CGGBP1: variants seen among roughly 807,000 people sequenced by gnomAD.
The protein encoded by CGGBP1 is CGG triplet repeat-binding protein 1.
A neutral mutation model predicts 11.4 loss-of-function variants in CGGBP1; 4 were observed. The ratio of observed to expected loss-of-function variants is 0.35; its 90% CI spans 0.17 to 0.80. CGGBP1 has a LOEUF of 0.80. Among genes scored for constraint, CGGBP1 ranks in the 30% least tolerant of loss-of-function variants. The pLI, the probability that CGGBP1 is intolerant of heterozygous loss-of-function variation, is 0.52. For synonymous variants in CGGBP1, 76 were observed against 74.1 expected (o/e 1.03, Z -0.13); for missense variants, 135 against 202.1 (o/e 0.67, Z 2.01).
intron 2 of CGGBP1, among the ~76,000 whole-genome samples, chr3:88,069,558 A>G (rs1204729381): frequency 7.9e-5 from 12 of 152,224 alleles, no homozygotes; most frequent in Non-Finnish European, 1.2e-4. Flanking sequence ...ACTACACAAA[A>G]CAGGACAATG....
At chr3:88,123,291 G>C (rs1369589114) in intron 2 of CGGBP1, among the ~76,000 whole-genome samples, 17 of 152,182 alleles carry the variant, frequency 1.1e-4, no homozygotes, top group Admixed American at 6.5e-5. Context: ...TTCCATAAGA[G>C]TGGTCTCCAA....
intron 2 of CGGBP1, among the ~76,000 whole-genome samples, chr3:88,110,411 C>G (rs1705017088): frequency 6.6e-6 from 1 of 152,094 alleles, no homozygotes; most frequent in Non-Finnish European, 1.5e-5. Context: ...ATGCATATGA[C>G]TCTGTTCCAG....
intron 2 of CGGBP1, among the ~76,000 whole-genome samples, chr3:88,089,879 G>A (rs1299299471): frequency 6.6e-6 from 1 of 152,162 alleles, no homozygotes; most frequent in Non-Finnish European, 1.5e-5. Context: ...GCATAAAGAT[G>A]TTTCATATGA....
intron 1 of CGGBP1, chr3:88,144,134 A>C (rs1707250217): frequency 6.6e-6 from 1 of 152,362 alleles, no homozygotes; most frequent in African/African-American, 2.4e-5. Flanking sequence ...GAAAATAGCA[A>C]ATCTGAATTT....
intron 2 of CGGBP1, chr3:88,128,837 A>G (rs1246008047): frequency 6.5e-7 from 1 of 1,535,302 alleles, no homozygotes; most frequent in South Asian, 1.2e-5. Flanking sequence ...CTGAAAATCC[A>G]CTGTTCTTTG....
chr3:88,078,260 G>T (rs535466754), intron 2 of CGGBP1, among the ~76,000 whole-genome samples: 5 of 152,218 alleles, frequency 3.3e-5, no homozygotes, highest in Admixed American at 6.5e-5. Flanking sequence ...ATGAATGAAG[G>T]GGGTAGACCC....
chr3:88,147,309 CCT>C (rs1160775788), intron 1 of CGGBP1, among the ~76,000 whole-genome samples: 1 of 152,082 alleles, frequency 6.6e-6, no homozygotes, highest in Non-Finnish European at 1.5e-5. Context: ...TGAGGTAAGG[CCT>C]CTCTGATAAG....
intron 3 of CGGBP1, 84 bp downstream of exon 3, chr3:88,057,107 T>G (rs1451441637): frequency 6.6e-6 from 1 of 152,222 alleles, no homozygotes; most frequent in Non-Finnish European, 1.5e-5. Flanking sequence ...ATAAATATGT[T>G]AGAGAAATAA....
chr3:88,127,182 C>T (rs937968439), intron 2 of CGGBP1, among the ~76,000 whole-genome samples: 3 of 152,120 alleles, frequency 2.0e-5, no homozygotes, highest in African/African-American at 7.2e-5. Flanking sequence ...AACAAGACCT[C>T]CCAACCCTGG....
intron 2 of CGGBP1, among the ~76,000 whole-genome samples, chr3:88,101,750 C>G (rs1704438923): frequency 6.6e-6 from 1 of 152,104 alleles, no homozygotes. Flanking sequence ...AAACTGCTAA[C>G]CAAAGTGACT....
intron 2 of CGGBP1, among the ~76,000 whole-genome samples, chr3:88,111,482 A>G (rs577327547): frequency 3.9e-5 from 6 of 151,934 alleles, no homozygotes; most frequent in Non-Finnish European, 8.8e-5. Context: ...TTGCTTAACA[A>G]TATATCTTGG....
chr3:88,135,108 C>G, intron 2 of CGGBP1: 1 of 1,478,338 alleles, frequency 6.8e-7, no homozygotes, highest in Non-Finnish European at 8.9e-7. Context: ...TCTAATCCTT[C>G]AAAACAAGTT....
intron 2 of CGGBP1, among the ~76,000 whole-genome samples, chr3:88,094,380 A>G (rs952267834): frequency 6.6e-6 from 1 of 152,100 alleles, no homozygotes; most frequent in African/African-American, 2.4e-5. Flanking sequence ...GGTTGGGACT[A>G]TAGTTGTTTT....
At chr3:88,149,443 G>C (rs1453119648) in intron 1 of CGGBP1, among the ~76,000 whole-genome samples, 1 of 152,264 alleles carries the variant, frequency 6.6e-6, no homozygotes, top group African/African-American at 2.4e-5. Flanking sequence ...GTGTTTGAGA[G>C]GAAAGTCCGC....
At chr3:88,140,471 AACAG>A in intron 2 of CGGBP1, 3 of 1,613,770 alleles carry the variant, frequency 1.9e-6, no homozygotes, top group Non-Finnish European at 2.5e-6. Flanking sequence ...TGGAAAAGAA[AACAG>A]ACAGTTTAGT....
chr3:88,075,492 T>A (rs144717002), intron 2 of CGGBP1, among the ~76,000 whole-genome samples: 1 of 152,340 alleles, frequency 6.6e-6, no homozygotes, highest in African/African-American at 2.4e-5. Context: ...TGGAACTACT[T>A]TTGTTGTTTC....
chr3:88,128,442 C>T (rs1193449634), intron 2 of CGGBP1, among the ~76,000 whole-genome samples: 2 of 151,884 alleles, frequency 1.3e-5, no homozygotes, highest in Non-Finnish European at 1.5e-5. Flanking sequence ...AAATATTGAG[C>T]AGTAAGAAGA....
chr3:88,113,077 C>A, intron 2 of CGGBP1: 1 of 1,347,838 alleles, frequency 7.4e-7, no homozygotes, highest in South Asian at 1.3e-5. Flanking sequence ...GAGCAAAACT[C>A]AAAGAAGCAA....
intron 2 of CGGBP1, chr3:88,086,186 T>C (rs1253805280): frequency 1.1e-5 from 16 of 1,415,954 alleles, no homozygotes; most frequent in Non-Finnish European, 1.4e-5. Context: ...CCAGTAACTT[T>C]TATGCAAATT....
Sources: gnomAD v4.1 joint callset for allele counts (sites outside exome capture counted in the v4.1 genomes callset) on GRCh38, gnomAD v4.1.1 for gene constraint, MANE v1.5 for transcripts, NCBI Gene and HGNC (gene_info 2026-07-23, HGNC 2026-07-21) for gene names.